MEAK7: variants seen among roughly 807,000 people sequenced by gnomAD.
MEAK7 encodes the protein MTOR associated protein MEAK7.
In MEAK7, 68 loss-of-function variants were observed where a neutral mutation model predicts 40.5. That is an observed-to-expected ratio of 1.68 (90% CI 1.38 to 2.06). The LOEUF is 2.06. MEAK7 is among the 30% of genes most tolerant of loss of function. The pLI is 0.00. For missense variants in MEAK7, 918 were observed against 580.5 expected, an observed-to-expected ratio of 1.58 and a Z score of -5.98; for synonymous variants, 338 against 231.9, an observed-to-expected ratio of 1.46 and a Z score of -4.16.
intron 1 of MEAK7, among the ~76,000 whole-genome samples, chr16:84,501,332 G>A (rs115941993): frequency 6.6e-6 from 1 of 152,016 alleles, no homozygotes; most frequent in East Asian, 1.9e-4. Flanking sequence ...CAGGGCACGT[G>A]GGGGAGGGCA....
In MEAK7 at chr16:84,480,524, C is replaced by G. The variant is rs754974946; in HGVS notation, c.1257+5G>C. The G allele has an allele frequency of 4.4e-6, 7 of 1,604,062 alleles. No homozygotes were observed. The highest frequency in any genetic ancestry group is 5.1e-6 in the Non-Finnish European group (6 of 1,175,572). ...TCCTGGGATGCAGAGGACAGCTCCA[C>G]TCACCAACTGCTCCTCTGAGGGGTC... On this transcript the variant is annotated splice_donor_5th_base_variant and intron_variant, in intron 7 of 7. Transcript: ENST00000343629.
chr16:84,495,462 G>C (rs442727), intron 3 of MEAK7: 558,283 of 562,344 alleles, frequency 0.99, 277,189 homozygotes, highest in East Asian at 1. Context: ...CTGCTTTTCC[G>C]CTTTAAGTCC....
chr16:84,484,873 G>A lies in MEAK7; in HGVS notation c.958+1758C>T, dbSNP rs182273332. ...ACTGCAACAGAATGAACTCGGGTTT[G>A]AAAACTTGGCCACTGCATTTTTCCC... On this transcript the variant is annotated intron_variant, in intron 5 of 7. Coordinates refer to ENST00000343629, the MANE Select transcript of MEAK7 (RefSeq NM_020947.4). Among the ~76,000 whole-genome samples, 7 of 152,286 alleles carry A rather than the reference G, an allele frequency of 4.6e-5. No individual in the cohort carries two copies. In the East Asian group the frequency reaches 9.6e-4, roughly 21 times the overall value.
intron 4 of MEAK7, among the ~76,000 whole-genome samples, chr16:84,488,771 T>C (rs1364553002): frequency 6.6e-6 from 1 of 152,058 alleles, no homozygotes; most frequent in East Asian, 1.9e-4. Context: ...CTATCAAAAC[T>C]TATGGCATGC....
At position 84,495,765 on chromosome 16, in the gene MEAK7, C is replaced by G. The variant is rs146039021; in HGVS notation, c.302G>C (p.Gly101Ala). ...FTASMSHLLKGNSEEKSLMIM... is the reference protein window; with the variant it reads ...FTASMSHLLKANSEEKSLMIM... ...CATGAGACTCTTCTCCTCGGAGTTTCCTTTCAACAGGTGGGACATGGATGC... is the reference window on the plus strand; with the variant it reads ...CATGAGACTCTTCTCCTCGGAGTTTGCTTTCAACAGGTGGGACATGGATGC... The change falls in exon 3 of 8, where the codon GGA becomes GCA. Residue 101 changes from glycine (G) to alanine (A), a missense_variant. Coordinates refer to ENST00000343629, the MANE Select transcript of MEAK7 (RefSeq NM_020947.4). 6.2e-7 allele frequency: 1 copy of G among 1,613,916 alleles called. No homozygotes were observed. Among genetic ancestry groups the G allele is most frequent in the Non-Finnish European group, 8.5e-7 (1 of 1,179,994 alleles).
At chr16:84,483,408 T>A (rs571225822) in intron 5 of MEAK7, among the ~76,000 whole-genome samples, 2 of 152,218 alleles carry the variant, frequency 1.3e-5, no homozygotes, top group Non-Finnish European at 2.9e-5. Flanking sequence ...CTTCCCACCA[T>A]GTTCTGAGGA....
At chr16:84,503,653 G>C (rs1331188046) in intron 1 of MEAK7, among the ~76,000 whole-genome samples, 1 of 152,214 alleles carries the variant, frequency 6.6e-6, no homozygotes, top group South Asian at 2.1e-4. Flanking sequence ...GTCAGAGACA[G>C]AATAATGGGC....
In MEAK7 at chr16:84,492,241, G is replaced by C. The variant is rs549216950; in HGVS notation, c.385-2819C>G. Among the ~76,000 whole-genome samples, 5 of 152,292 alleles carry C rather than the reference G, an allele frequency of 3.3e-5. No individual in the cohort carries two copies. In the South Asian group the frequency reaches 1.0e-3, roughly 32 times the overall value. On this transcript the variant is annotated intron_variant, in intron 3 of 7. Coordinates refer to ENST00000343629, the MANE Select transcript of MEAK7 (RefSeq NM_020947.4). ...ATACACTGATCCAACACCAGCATCT[G>C]GGTCCTTGTGTCAGATTAACAAGGT...
chr16:84,496,428 G>A (rs1216333841), intron 2 of MEAK7, among the ~76,000 whole-genome samples: 2 of 152,012 alleles, frequency 1.3e-5, no homozygotes, highest in African/African-American at 4.8e-5. Flanking sequence ...CCCTCCCTCC[G>A]TCTCTGTACA....
intron 3 of MEAK7, among the ~76,000 whole-genome samples, chr16:84,492,569 T>TTTTATTTATTTATTTA (rs58022971): frequency 0.3 from 44,483 of 146,538 alleles, 7,541 homozygotes; most frequent in East Asian, 0.43. Flanking sequence ...AAGTGTTTTA[T>TTTTATTTATTTATTTA]TTTATTTATT....
In MEAK7 at chr16:84,495,805, G is replaced by C; in HGVS notation, c.262C>G (p.Gln88Glu). 1 of 1,614,034 alleles carries C rather than the reference G, an allele frequency of 6.2e-7. No individual in the cohort carries two copies. The highest frequency in any genetic ancestry group is 8.5e-7 in the Non-Finnish European group (1 of 1,180,008). Residue 88 changes from glutamine to glutamate, a missense_variant, in exon 3 of 8, where the codon CAG becomes GAG. Gln to Glu is a conservative substitution (Grantham distance 29). Transcript: ENST00000343629. ...GACATGGATGCTGTGAACTGCTCCT[G>C]GGACACGTTCTCACTGGGTCCCTTC... ...KAKGPSENVS[Q>E]EQFTASMSHL... is the part of the protein sequence containing the mutation.
Position 84,479,370 on chromosome 16 carries a change from G to A in MEAK7, c.*543C>T, listed in dbSNP as rs1912296148. On this transcript the variant is annotated 3_prime_UTR_variant, in exon 8 of 8. Transcript: ENST00000343629. Reference sequence around the variant, plus strand: ...CGGGAGGAACCCCCTCCTCAATAGAGAAGTTGAGATCCCAGCAATGCTAAT... The same window carrying A: ...CGGGAGGAACCCCCTCCTCAATAGAAAAGTTGAGATCCCAGCAATGCTAAT... 1 of 152,218 alleles carries A rather than the reference G, an allele frequency of 6.6e-6. No individual in the cohort carries two copies. The highest frequency in any genetic ancestry group is 1.9e-4 in the East Asian group (1 of 5,188). The allele number at this position is 152,218 out of a possible 1,614,324, so 9.4% of individuals were successfully genotyped here. A position where few individuals can be genotyped will look rare whatever the true frequency, so the allele number is the denominator to read the frequency against.
intron 1 of MEAK7, among the ~76,000 whole-genome samples, chr16:84,501,380 C>T (rs1914493895): frequency 6.6e-6 from 1 of 152,044 alleles, no homozygotes; most frequent in Non-Finnish European, 1.5e-5. Flanking sequence ...AGGCCTGACT[C>T]CACCCAGCCC....
Position 84,486,713 on chromosome 16 carries a change from A to G in MEAK7, c.876T>C (p.Cys292=). ...TGTCATGGTCCTCGAGGACAGCCAC[A>G]CAGGGTCCCCGGTGAGTGATGTGGC... ...LCGHITHRGP[C]VAVLEDHDKH... The change falls in exon 5 of 8, where the codon TGT becomes TGC. Residue 292 remains cysteine, a synonymous_variant. Transcript: ENST00000343629. The G allele has an allele frequency of 1.2e-6, 2 of 1,613,992 alleles. No homozygotes were observed. Among genetic ancestry groups the G allele is most frequent in the African/African-American group, 2.7e-5 (2 of 75,034 alleles).
chr16:84,482,543 G>A (rs748181340), intron 6 of MEAK7, 49 bp downstream of exon 6: 1 of 1,613,248 alleles, frequency 6.2e-7, no homozygotes, highest in Non-Finnish European at 8.5e-7. Flanking sequence ...TGACACCTTT[G>A]CTGGGGGACA....
At chr16:84,485,639 TATCC>T (rs550866331) in intron 5 of MEAK7, among the ~76,000 whole-genome samples, 244 of 149,502 alleles carry the variant, frequency 1.6e-3, no homozygotes, top group Admixed American at 4.8e-3. Context: ...ACTATCTATC[TATCC>T]ATCCATCCAT....
intron 3 of MEAK7, among the ~76,000 whole-genome samples, chr16:84,491,788 G>T (rs1913636405): frequency 6.7e-6 from 1 of 149,274 alleles, no homozygotes; most frequent in Admixed American, 6.7e-5. Context: ...CAGTGACTGA[G>T]ATCGCGCCAC....
intron 2 of MEAK7, among the ~76,000 whole-genome samples, chr16:84,496,459 C>A (rs1394833359): frequency 1.3e-5 from 2 of 152,172 alleles, no homozygotes; most frequent in African/African-American, 4.8e-5. Flanking sequence ...TTCCTTCCGC[C>A]TTCTCCTTCC....
rs1241619627 is a variant in MEAK7 at position 84,504,596 on chromosome 16, C to G, written c.-26+5G>C. Reference sequence around the variant, plus strand: ...CTCACTGCGAACCTCAGCCCAGGTACCTACCCTGCCGGGCTTCCTGGTGCT... The same window carrying G: ...CTCACTGCGAACCTCAGCCCAGGTAGCTACCCTGCCGGGCTTCCTGGTGCT... On this transcript the variant is annotated splice_donor_5th_base_variant and intron_variant, in intron 1 of 7. Coordinates refer to ENST00000343629, the MANE Select transcript of MEAK7 (RefSeq NM_020947.4). The G allele has an allele frequency of 3.0e-6, 3 of 985,744 alleles. No homozygotes were observed. In the East Asian group the frequency reaches 3.4e-4, roughly 112 times the overall value. The allele number at this position is 985,744 out of a possible 1,614,324, so 61.1% of individuals were successfully genotyped here.
Sources: allele counts gnomAD v4.1 joint callset (sites outside exome capture counted in the v4.1 genomes callset), GRCh38; gene constraint gnomAD v4.1.1; transcripts MANE v1.5; gene names NCBI Gene and HGNC (gene_info 2026-07-23, HGNC 2026-07-21).